NEBL: variants seen among roughly 807,000 people sequenced by gnomAD.
NEBL encodes LIM and SH3 protein 2.
A neutral mutation model predicts 140.2 loss-of-function variants in NEBL; 122 were observed. The ratio of observed to expected loss-of-function variants is 0.87; its 90% CI spans 0.75 to 1.01. The LOEUF (loss-of-function observed/expected upper bound fraction) is 1.01. Ranked by LOEUF, NEBL falls within the 50% of genes least tolerant of loss-of-function variation. The probability of loss-of-function intolerance (pLI) is 0.00; values close to 1 mark genes in which losing one functional copy is unlikely to be tolerated. For missense variants in NEBL, 1,365 were observed against 1,231.3 expected, an observed-to-expected ratio of 1.11 and a Z score of -1.62; for synonymous variants, 436 against 398.9, an observed-to-expected ratio of 1.09 and a Z score of -1.11.
At chr10:20,843,224 G>A (rs1263285545) in intron 12 of NEBL, among the ~76,000 whole-genome samples, 1 of 152,008 alleles carries the variant, frequency 6.6e-6, no homozygotes, top group Non-Finnish European at 1.5e-5. Flanking sequence ...GTGTCTGCAA[G>A]CCGGTAAGAG....
chr10:20,971,447 C>A (rs11012424), intron 3 of NEBL, among the ~76,000 whole-genome samples: 1 of 141,898 alleles, frequency 7.0e-6, no homozygotes, highest in African/African-American at 2.6e-5. Flanking sequence ...ATTTTTTTTT[C>A]TTTTTTTTTT....
chr10:21,019,876 G>A (rs547635154), intron 3 of NEBL, among the ~76,000 whole-genome samples: 2 of 152,290 alleles, frequency 1.3e-5, no homozygotes, highest in African/African-American at 4.8e-5. Context: ...ACTCTGACCG[G>A]AACTCATTTA....
At chr10:21,159,454 CAG>C (rs1840466747) in intron 2 of NEBL, among the ~76,000 whole-genome samples, 1 of 152,196 alleles carries the variant, frequency 6.6e-6, no homozygotes, top group Non-Finnish European at 1.5e-5. Flanking sequence ...TTCAACATAA[CAG>C]AGACTACGTG....
At chr10:21,038,800 A>G (rs1382103634) in intron 2 of NEBL, among the ~76,000 whole-genome samples, 1 of 152,158 alleles carries the variant, frequency 6.6e-6, no homozygotes, top group Non-Finnish European at 1.5e-5. Flanking sequence ...GCCTTCTACA[A>G]TGGTTGAACT....
intron 3 of NEBL, among the ~76,000 whole-genome samples, chr10:21,226,407 C>G (rs984524293): frequency 6.6e-6 from 1 of 152,104 alleles, no homozygotes; most frequent in Non-Finnish European, 1.5e-5. Flanking sequence ...TTCACATGCC[C>G]CAAAGTCCAT....
intron 19 of NEBL, among the ~76,000 whole-genome samples, chr10:20,822,327 AATATAT>A (rs766147686): frequency 6.6e-6 from 1 of 151,556 alleles, no homozygotes; most frequent in Non-Finnish European, 1.5e-5. Flanking sequence ...TTTGTAGACT[AATATAT>A]ATATATGTTA....
chr10:20,816,353 G>A (rs1018052589), intron 21 of NEBL, among the ~76,000 whole-genome samples: 1 of 152,144 alleles, frequency 6.6e-6, no homozygotes, highest in African/African-American at 2.4e-5. Flanking sequence ...ACATGGTCGT[G>A]GTTTCTTAGG....
chr10:20,992,427 A>G (rs1837493161), intron 3 of NEBL, among the ~76,000 whole-genome samples: 1 of 152,198 alleles, frequency 6.6e-6, no homozygotes, highest in Non-Finnish European at 1.5e-5. Flanking sequence ...CAAAGAGAAC[A>G]TGGGGAAGCA....
intron 2 of NEBL, among the ~76,000 whole-genome samples, chr10:21,099,658 T>G (rs996671560): frequency 6.6e-6 from 1 of 152,202 alleles, no homozygotes; most frequent in African/African-American, 2.4e-5. Context: ...AGATTTGAAA[T>G]ATCTCATATG....
intron 4 of NEBL, among the ~76,000 whole-genome samples, chr10:20,881,190 C>T (rs1214074054): frequency 6.6e-6 from 1 of 152,122 alleles, no homozygotes; most frequent in Non-Finnish European, 1.5e-5. Flanking sequence ...GGGAAATCAT[C>T]CATATCCAAG....
chr10:21,012,200 GC>G (rs1441893062), intron 3 of NEBL, among the ~76,000 whole-genome samples: 1 of 151,990 alleles, frequency 6.6e-6, no homozygotes, highest in Non-Finnish European at 1.5e-5. Flanking sequence ...TAGGGTAGGT[GC>G]CCCCCTTCAA....
intron 3 of NEBL, among the ~76,000 whole-genome samples, chr10:21,230,048 C>T (rs184791831): frequency 3.9e-4 from 60 of 152,342 alleles, no homozygotes; most frequent in African/African-American, 1.4e-3. Context: ...ATAATTCCAT[C>T]TCTTGGGTTA....
At chr10:21,230,497 T>C (rs992801618) in intron 3 of NEBL, among the ~76,000 whole-genome samples, 39 of 152,284 alleles carry the variant, frequency 2.6e-4, no homozygotes, top group African/African-American at 8.7e-4. Context: ...GATGAATGTG[T>C]CAACAATCTC....
At chr10:21,136,363 C>T (rs1839355773) in intron 2 of NEBL, among the ~76,000 whole-genome samples, 1 of 152,240 alleles carries the variant, frequency 6.6e-6, no homozygotes, top group African/African-American at 2.4e-5. Context: ...GGGTCTCACT[C>T]TCTTGCCCAG....
chr10:20,905,845 C>T (rs182114659), intron 4 of NEBL, among the ~76,000 whole-genome samples: 23 of 152,194 alleles, frequency 1.5e-4, no homozygotes, highest in Admixed American at 8.5e-4. Flanking sequence ...AGCTACATGA[C>T]GGAAATGTAT....
intron 2 of NEBL, among the ~76,000 whole-genome samples, chr10:21,049,512 A>T (rs1377216172): frequency 6.6e-6 from 1 of 152,226 alleles, no homozygotes; most frequent in Non-Finnish European, 1.5e-5. Context: ...CTAGAATGTC[A>T]TCTGTGCGAT....
At chr10:21,130,296 C>A (rs1839042417) in intron 2 of NEBL, among the ~76,000 whole-genome samples, 1 of 152,018 alleles carries the variant, frequency 6.6e-6, no homozygotes, top group Admixed American at 6.6e-5. Context: ...TGAGTTTACT[C>A]TTACAGTTGG....
At position 20,831,566 on chromosome 10, in the gene NEBL, ATC is replaced by A. The variant is rs769704242; in HGVS notation, c.1465_1466del (p.Asp489SerfsTer4). On this transcript the variant is annotated frameshift_variant, in exon 15 of 28. Coordinates refer to ENST00000377122, the MANE Select transcript of NEBL (RefSeq NM_006393.3). LOFTEE classifies it high-confidence loss of function. ...CTTTCCCTTTAATTTCAGTCTCCAGATCTCTTTTATAGTCTTTCTGCAGAAAA... is the reference window on the plus strand; with the variant it reads ...CTTTCCCTTTAATTTCAGTCTCCAGATCTTTTATAGTCTTTCTGCAGAAAA... Reference protein sequence around the residue: ...EIASEKDYKRDLETEIKGKGM... With the variant: ...EIASEKDYKRXLETEIKGKGM... 7 of 1,605,856 alleles carry A rather than the reference ATC, an allele frequency of 4.4e-6. No homozygotes were observed. The South Asian group carries it at 7.7e-5, about 18-fold the overall frequency.
chr10:21,210,211 G>A (rs144164470), intron 3 of NEBL, among the ~76,000 whole-genome samples: 240 of 152,200 alleles, frequency 1.6e-3, no homozygotes, highest in African/African-American at 5.3e-3. Context: ...GGACAACATG[G>A]TGAAACCCTG....
Sources: allele counts gnomAD v4.1 joint callset (sites outside exome capture counted in the v4.1 genomes callset), GRCh38; gene constraint gnomAD v4.1.1; transcripts MANE v1.5; gene names NCBI Gene and HGNC (gene_info 2026-07-23, HGNC 2026-07-21).